Variants in VPS45 observed in about 807,000 individuals in gnomAD.
VPS45 encodes vacuolar protein sorting 45 homolog.
A neutral mutation model predicts 75.9 loss-of-function variants in VPS45; 35 were observed. That is an observed-to-expected ratio of 0.46 (90% CI 0.35 to 0.61). VPS45 has a LOEUF of 0.61. Ranked by LOEUF, VPS45 falls within the 20% of genes least tolerant of loss-of-function variation. The pLI, the probability that VPS45 is intolerant of heterozygous loss-of-function variation, is 0.00. For missense variants in VPS45, 559 were observed against 685.9 expected, an observed-to-expected ratio of 0.81 and a Z score of 2.07; for synonymous variants, 220 against 238.2, an observed-to-expected ratio of 0.92 and a Z score of 0.70.
intron 13 of VPS45, among the ~76,000 whole-genome samples, chr1:150,096,886 G>A (rs1409280382): frequency 6.6e-6 from 1 of 152,010 alleles, no homozygotes; most frequent in Non-Finnish European, 1.5e-5. Context: ...AGTACACAAA[G>A]ATACTTAAGC....
chr1:150,115,283 T>C (rs1657870134), intron 14 of VPS45, among the ~76,000 whole-genome samples: 2 of 152,212 alleles, frequency 1.3e-5, no homozygotes, highest in South Asian at 4.1e-4. Flanking sequence ...TGTTCCAGTT[T>C]AGTAATTCTT....
At chr1:150,071,887 A>G (rs1351031702) in intron 2 of VPS45, among the ~76,000 whole-genome samples, 1 of 151,818 alleles carries the variant, frequency 6.6e-6, no homozygotes, top group African/African-American at 2.4e-5. Context: ...GTTGTGTTTC[A>G]ACATCTGTGT....
At chr1:150,080,049 G>A (rs1655613468) in intron 7 of VPS45, among the ~76,000 whole-genome samples, 1 of 151,960 alleles carries the variant, frequency 6.6e-6, no homozygotes, top group African/African-American at 2.4e-5. Context: ...AGAGCTCATG[G>A]TCCAATTATG....
At chr1:150,078,977 G>A (rs782394532) in intron 7 of VPS45, among the ~76,000 whole-genome samples, 12 of 150,532 alleles carry the variant, frequency 8.0e-5, no homozygotes, top group Non-Finnish European at 1.3e-4. Flanking sequence ...TGGACGTGGT[G>A]GCAGATGCCT....
chr1:150,099,507 A>T (rs1159253914), intron 13 of VPS45, among the ~76,000 whole-genome samples: 2 of 1,322 alleles, frequency 1.5e-3, no homozygotes, highest in Admixed American at 0.018. Context: ...GTGAGACTCC[A>T]TTAAAAAAAA....
intron 14 of VPS45, among the ~76,000 whole-genome samples, chr1:150,132,071 A>T (rs1211461909): frequency 6.6e-6 from 1 of 152,198 alleles, no homozygotes; most frequent in Admixed American, 6.5e-5. Flanking sequence ...GGTTTTATGA[A>T]GCAATGATCT....
At chr1:150,096,894 A>C (rs1251688869) in intron 13 of VPS45, among the ~76,000 whole-genome samples, 2 of 152,180 alleles carry the variant, frequency 1.3e-5, no homozygotes, top group East Asian at 3.8e-4. Flanking sequence ...AAGATACTTA[A>C]GCCAGGATGT....
intron 10 of VPS45, among the ~76,000 whole-genome samples, chr1:150,084,121 A>G (rs1464901548): frequency 6.6e-6 from 1 of 152,212 alleles, no homozygotes; most frequent in Non-Finnish European, 1.5e-5. Context: ...AAAAGCAAAG[A>G]TGTAGAAATA....
At chr1:150,129,854 A>T (rs989123646) in intron 14 of VPS45, among the ~76,000 whole-genome samples, 1 of 138,046 alleles carries the variant, frequency 7.2e-6, no homozygotes. Context: ...CGCCTGGCCA[A>T]TTTTTTTTTT....
intron 14 of VPS45, among the ~76,000 whole-genome samples, chr1:150,121,479 TC>T (rs1403271031): frequency 2.4e-4 from 37 of 152,342 alleles, no homozygotes; most frequent in African/African-American, 8.7e-4. Context: ...ATCTCCTGTC[TC>T]AGTATTTGCC....
intron 14 of VPS45, among the ~76,000 whole-genome samples, chr1:150,139,013 C>T (rs1468995472): frequency 6.6e-6 from 1 of 152,130 alleles, no homozygotes; most frequent in Non-Finnish European, 1.5e-5. Flanking sequence ...ATCTAATGCC[C>T]TTTCACCACT....
upstream of VPS45, chr1:150,067,604 C>T (rs587703666): frequency 1.0e-5 from 5 of 484,202 alleles, no homozygotes; most frequent in East Asian, 1.3e-4. Flanking sequence ...CTTCAGGCCG[C>T]AGGTGGGTGG....
At position 150,128,842 on chromosome 1, in the gene VPS45, C is replaced by A. The variant is rs192667961; in HGVS notation, c.1626-15867C>A. Among the ~76,000 whole-genome samples, 326 of 152,066 alleles carry A rather than the reference C, an allele frequency of 2.1e-3. 1 individual carries two copies. The highest frequency in any genetic ancestry group is 0.01 in the Middle Eastern group (3 of 294). ...GCAACCTCCGCCTCCCGGGTTCAAG[C>A]GATTCTCCTGCCACAAAGTCCCAAG... On this transcript the variant is annotated intron_variant, in intron 14 of 14. Coordinates refer to ENST00000644510, the MANE Select transcript of VPS45 (RefSeq NM_007259.5).
rs1333475487 is a variant in VPS45 at position 150,082,138 on chromosome 1, T to G, written c.936+141T>G. The G allele has an allele frequency of 4.9e-6, 3 of 607,396 alleles. No individual in the cohort carries two copies. In the Admixed American group the frequency reaches 9.2e-5, roughly 19 times the overall value. The allele number at this position is 607,396 out of a possible 1,614,324, so 37.6% of individuals were successfully genotyped here. Reference sequence around the variant, plus strand: ...TGAGACTTATTTTCTGTAATGTCTTTAAACAATATAGTGAAAACTTTATGA... The same window carrying G: ...TGAGACTTATTTTCTGTAATGTCTTGAAACAATATAGTGAAAACTTTATGA... On this transcript the variant is annotated intron_variant, in intron 9 of 14. Coordinates refer to ENST00000644510, the MANE Select transcript of VPS45 (RefSeq NM_007259.5).
intron 14 of VPS45, among the ~76,000 whole-genome samples, chr1:150,120,287 G>A (rs74127455): frequency 0.027 from 4,116 of 152,216 alleles, 144 homozygotes; most frequent in African/African-American, 0.089. Flanking sequence ...AGCAATTTTA[G>A]CAACCTTAAT....
Position 150,068,770 on chromosome 1 carries a change from G to A in VPS45, c.228+6G>A. On this transcript the variant is annotated splice_donor_region_variant and intron_variant, in intron 2 of 14. Transcript: ENST00000644510. The stretch of plus-strand genomic sequence containing the variant: ...GTTTTCTTCGACCTACAAAGGTACT[G>A]CATAAACTGAGCTTCCATCTGCCCA... 6.3e-7 allele frequency: 1 copy of A among 1,597,564 alleles called. No homozygotes were observed. The highest frequency in any genetic ancestry group is 2.2e-5 in the East Asian group (1 of 44,598).
At position 150,077,119 on chromosome 1, in the gene VPS45, T is replaced by A; in HGVS notation, c.464T>A (p.Leu155Gln). ...CQGRNWDPAQLSRTTQGLTAL... is the reference protein window; with the variant it reads ...CQGRNWDPAQQSRTTQGLTAL... The stretch of plus-strand genomic sequence containing the variant: ...GGTCGAAATTGGGATCCAGCCCAGC[T>A]ATCTAGAACAACTCAAGGGCTTACA... Residue 155 changes from leucine (L) to glutamine (Q), a missense_variant, in exon 6 of 15, where the codon CTA becomes CAA. Physicochemically the swap from Leu to Gln is moderately radical, Grantham distance 113. Coordinates refer to ENST00000644510, the MANE Select transcript of VPS45 (RefSeq NM_007259.5). The A allele has an allele frequency of 6.2e-7, 1 of 1,614,074 alleles. No individual in the cohort carries two copies. The highest frequency in any genetic ancestry group is 1.3e-5 in the African/African-American group (1 of 75,046).
At chr1:150,114,904 T>A (rs1304887156) in intron 14 of VPS45, among the ~76,000 whole-genome samples, 5 of 143,448 alleles carry the variant, frequency 3.5e-5, no homozygotes, top group Non-Finnish European at 3.0e-5. Flanking sequence ...GACCCTGTCT[T>A]AAAAAAAAAA....
At chr1:150,120,796 G>A (rs974800985) in intron 14 of VPS45, among the ~76,000 whole-genome samples, 6 of 151,360 alleles carry the variant, frequency 4.0e-5, no homozygotes, top group Non-Finnish European at 7.4e-5. Context: ...ATTTAAAATA[G>A]AAGGCATGTA....
Sources: allele counts gnomAD v4.1 joint callset (sites outside exome capture counted in the v4.1 genomes callset), GRCh38; gene constraint gnomAD v4.1.1; transcripts MANE v1.5; gene names NCBI Gene and HGNC (gene_info 2026-07-23, HGNC 2026-07-21).